DLG2: variants seen among roughly 807,000 people sequenced by gnomAD.
The protein encoded by DLG2 is discs large MAGUK scaffold protein 2, also known as disks large homolog 2.
In DLG2, 45 loss-of-function variants were observed where a neutral mutation model predicts 132.5. The ratio of observed to expected loss-of-function variants is 0.34; its 90% CI spans 0.27 to 0.44. The LOEUF is 0.44. DLG2 is among the 20% of genes least tolerant of loss of function. DLG2 has a pLI of 1.00. For missense variants in DLG2, 1,045 were observed against 1,196.9 expected, an observed-to-expected ratio of 0.87 and a Z score of 1.87; for synonymous variants, 424 against 419.6, an observed-to-expected ratio of 1.01 and a Z score of -0.13.
At chr11:85,486,478 A>T (rs962395290) in intron 3 of DLG2, among the ~76,000 whole-genome samples, 1 of 152,128 alleles carries the variant, frequency 6.6e-6, no homozygotes, top group Non-Finnish European at 1.5e-5. Flanking sequence ...TACTTGCCTA[A>T]TCCTATCCCC....
chr11:85,052,035 A>T (rs2062949499), intron 6 of DLG2, among the ~76,000 whole-genome samples: 2 of 152,202 alleles, frequency 1.3e-5, no homozygotes, highest in South Asian at 4.1e-4. Flanking sequence ...TCTCAGCAAG[A>T]TAAATTTTTA....
intron 16 of DLG2, among the ~76,000 whole-genome samples, chr11:83,835,920 T>C (rs1195574528): frequency 2.6e-5 from 4 of 152,242 alleles, no homozygotes; most frequent in South Asian, 2.1e-4. Flanking sequence ...CACACCCCTA[T>C]GGTATATACA....
Position 83,592,502 on chromosome 11 carries a change from T to A in DLG2, c.1940+40709A>T, listed in dbSNP as rs894432518. 8.2e-3 allele frequency among the ~76,000 whole-genome samples: 1,241 copies of A among 152,034 alleles called. 7 individuals are homozygous for A. The highest frequency in any genetic ancestry group is 0.014 in the Non-Finnish European group (928 of 67,970). On this transcript the variant is annotated intron_variant, in intron 19 of 27. Coordinates refer to ENST00000376104, the MANE Select transcript of DLG2 (RefSeq NM_001142699.3). Reference sequence around the variant, plus strand: ...TACACAAAAATCAATTCAAGATGGATTAAAGACTTAAACGTTAGACCTAAA... The same window carrying A: ...TACACAAAAATCAATTCAAGATGGAATAAAGACTTAAACGTTAGACCTAAA...
At chr11:85,414,751 G>C (rs1220291651) in intron 3 of DLG2, among the ~76,000 whole-genome samples, 1 of 151,864 alleles carries the variant, frequency 6.6e-6, no homozygotes, top group Non-Finnish European at 1.5e-5. Flanking sequence ...ACATCTATTA[G>C]CGGTTGTTTT....
chr11:85,107,807 T>C (rs1173861209), intron 6 of DLG2, among the ~76,000 whole-genome samples: 1 of 151,730 alleles, frequency 6.6e-6, no homozygotes, highest in Non-Finnish European at 1.5e-5. Context: ...AGGGAAGATA[T>C]TTCATGTATT....
intron 7 of DLG2, among the ~76,000 whole-genome samples, chr11:84,455,922 T>C (rs902491956): frequency 2.0e-5 from 3 of 151,282 alleles, no homozygotes; most frequent in African/African-American, 7.3e-5. Flanking sequence ...CATTCTTGAC[T>C]TCACAGCACT....
intron 10 of DLG2, among the ~76,000 whole-genome samples, chr11:84,082,555 G>A (rs555408362): frequency 6.6e-6 from 1 of 152,302 alleles, no homozygotes; most frequent in African/African-American, 2.4e-5. Flanking sequence ...AAAAGAATAT[G>A]GGTGTCACTT....
chr11:85,155,579 C>T (rs562008807), intron 4 of DLG2, among the ~76,000 whole-genome samples: 3 of 152,112 alleles, frequency 2.0e-5, no homozygotes, highest in African/African-American at 2.4e-5. Context: ...ATAAGGATTC[C>T]TCACTTTAGG....
At chr11:83,794,189 C>T (rs2042218912) in intron 17 of DLG2, among the ~76,000 whole-genome samples, 1 of 152,182 alleles carries the variant, frequency 6.6e-6, no homozygotes, top group African/African-American at 2.4e-5. Flanking sequence ...AGGTTTGTTG[C>T]TGCTGTTATC....
intron 3 of DLG2, among the ~76,000 whole-genome samples, chr11:85,482,997 T>C (rs1205084512): frequency 1.3e-5 from 2 of 152,194 alleles, no homozygotes; most frequent in African/African-American, 4.8e-5. Context: ...ATATATAAGA[T>C]TTCATAAAGG....
chr11:83,939,013 T>C (rs2082084881), intron 14 of DLG2, among the ~76,000 whole-genome samples: 1 of 152,224 alleles, frequency 6.6e-6, no homozygotes, highest in South Asian at 2.1e-4. Context: ...TGTTCTGTAA[T>C]GACATCAGCT....
chr11:84,980,054 A>G (rs1037615726), intron 6 of DLG2, among the ~76,000 whole-genome samples: 3 of 152,218 alleles, frequency 2.0e-5, no homozygotes, highest in African/African-American at 7.2e-5. Context: ...CCTTAGTATC[A>G]TTTTCAAAAT....
At chr11:83,674,703 GT>G (rs2077395505) in intron 18 of DLG2, among the ~76,000 whole-genome samples, 1 of 152,212 alleles carries the variant, frequency 6.6e-6, no homozygotes, top group Non-Finnish European at 1.5e-5. Flanking sequence ...TGTTTTCTGA[GT>G]GAAAACAGAA....
chr11:84,634,016 GCATA>G (rs551089568), intron 6 of DLG2, among the ~76,000 whole-genome samples: 3 of 152,090 alleles, frequency 2.0e-5, no homozygotes, highest in Non-Finnish European at 4.4e-5. Context: ...AAGAAAAAAA[GCATA>G]CATACATACA....
chr11:84,690,121 G>T (rs929886880), intron 6 of DLG2, among the ~76,000 whole-genome samples: 9 of 151,748 alleles, frequency 5.9e-5, no homozygotes, highest in African/African-American at 2.2e-4. Context: ...ATGGGGTTGG[G>T]GGTAGGGGGA....
chr11:85,125,383 T>A (rs2152385496), intron 5 of DLG2, among the ~76,000 whole-genome samples: 1 of 152,302 alleles, frequency 6.6e-6, no homozygotes, highest in East Asian at 1.9e-4. Context: ...TGTTAACAGA[T>A]GATTGGTATG....
intron 18 of DLG2, among the ~76,000 whole-genome samples, chr11:83,691,215 T>C (rs1239497150): frequency 6.6e-6 from 1 of 152,188 alleles, no homozygotes; most frequent in Non-Finnish European, 1.5e-5. Flanking sequence ...GGCTGAAATA[T>C]GCACTTGATC....
At chr11:84,298,279 C>A (rs140780821) in intron 7 of DLG2, among the ~76,000 whole-genome samples, 1 of 152,210 alleles carries the variant, frequency 6.6e-6, no homozygotes, top group African/African-American at 2.4e-5. Context: ...ATGTTTCATG[C>A]AAATCAATGA....
chr11:84,965,492 A>T (rs185021059), intron 6 of DLG2, among the ~76,000 whole-genome samples: 36 of 152,214 alleles, frequency 2.4e-4, no homozygotes, highest in Admixed American at 1.4e-3. Context: ...AAATGATCCA[A>T]TTCAGAGGCA....
Sources: allele counts gnomAD v4.1 joint callset (sites outside exome capture counted in the v4.1 genomes callset), GRCh38; gene constraint gnomAD v4.1.1; transcripts MANE v1.5; gene names NCBI Gene and HGNC (gene_info 2026-07-23, HGNC 2026-07-21).